The following GK variants were observed in gnomAD, a reference collection of about 807,000 sequenced individuals.
The protein encoded by GK is ATP:glycerol 3-phosphotransferase.
GK carries 9 observed loss-of-function variants against 56.4 expected under a neutral mutation model. The ratio of observed to expected loss-of-function variants is 0.16; its 90% CI spans 0.10 to 0.28. The LOEUF (loss-of-function observed/expected upper bound fraction) is 0.28. Among genes scored for constraint, GK ranks in the 10% least tolerant of loss-of-function variants. GK has a pLI of 1.00. For missense variants in GK, 161 were observed against 431.4 expected (o/e 0.37, Z 5.55); for synonymous variants, 104 against 144.1 (o/e 0.72, Z 1.99).
chrX:30,688,246 C>G (rs750519710), intron 4 of GK, among the ~76,000 whole-genome samples: 9 of 111,474 alleles, frequency 8.1e-5, no homozygotes, highest in Non-Finnish European at 1.7e-4. Context: ...TGCAAACTTT[C>G]AAGTGAGGAA....
At chrX:30,725,173 G>A (rs186667541) in intron 19 of GK, among the ~76,000 whole-genome samples, 37 of 111,531 alleles carry the variant, frequency 3.3e-4, no homozygotes, top group African/African-American at 1.0e-3. Flanking sequence ...GTGAGCCACT[G>A]CACCTGGCTT....
rs1934701193 is a variant in GK at position 30,687,727 on chromosome X, A to G, written c.338-3396A>G. 3 of 299,347 alleles carry G rather than the reference A, an allele frequency of 1.0e-5. No homozygotes were observed. In the Admixed American group the frequency reaches 1.0e-4, roughly 10 times the overall value. 24.7% of individuals were successfully genotyped at this position (299,347 alleles called of 1,213,427 possible). ...TCTGTCATTCCTTTTGATTGTTCTC[A>G]GAGATTACCTACACAAGGGGCTTAG... On this transcript the variant is annotated intron_variant, in intron 4 of 20. Transcript: ENST00000427190.
intron 1 of GK, among the ~76,000 whole-genome samples, chrX:30,661,003 G>A (rs993457420): frequency 3.7e-5 from 4 of 108,949 alleles, no homozygotes; most frequent in African/African-American, 1.3e-4. Context: ...TAGTAGGGAC[G>A]GGGTTTCACT....
At chrX:30,664,960 C>T (rs1284323630) in intron 1 of GK, among the ~76,000 whole-genome samples, 1 of 110,710 alleles carries the variant, frequency 9.0e-6, no homozygotes, top group African/African-American at 3.3e-5. Flanking sequence ...CTGCCTTGGC[C>T]TCCCAAAGTG....
chrX:30,701,678 C>T (rs907580991), intron 11 of GK, among the ~76,000 whole-genome samples: 30 of 112,226 alleles, frequency 2.7e-4, no homozygotes, highest in African/African-American at 9.4e-4. Flanking sequence ...TTTCGCCTTT[C>T]CTGGCATTGT....
At chrX:30,720,526 G>T (rs1023968822) in intron 16 of GK, 95 bp from the exon 17 acceptor site, 9 of 800,685 alleles carry the variant, frequency 1.1e-5, no homozygotes, top group Non-Finnish European at 1.7e-5. Flanking sequence ...ATAGGCTCTT[G>T]GAAGCTCTTG....
intron 4 of GK, among the ~76,000 whole-genome samples, chrX:30,685,200 C>G (rs2034545937): frequency 9.1e-6 from 1 of 109,746 alleles, no homozygotes; most frequent in African/African-American, 3.3e-5. Context: ...GGCGCGATCT[C>G]GGCTCACCGC....
intron 2 of GK, among the ~76,000 whole-genome samples, chrX:30,667,070 C>T (rs924571699): frequency 9.0e-6 from 1 of 110,942 alleles, no homozygotes; most frequent in Non-Finnish European, 1.9e-5. Flanking sequence ...AGGAGAATGG[C>T]GTGAACCCGA....
At chrX:30,661,048 G>C (rs751947789) in intron 1 of GK, among the ~76,000 whole-genome samples, 1 of 109,858 alleles carries the variant, frequency 9.1e-6, no homozygotes, top group East Asian at 2.9e-4. Context: ...TCTTGACCTC[G>C]TGATCCGCCC....
At chrX:30,700,522 C>T in intron 10 of GK, 73 bp downstream of exon 10, 1 of 849,308 alleles carries the variant, frequency 1.2e-6, no homozygotes, top group Non-Finnish European at 1.7e-6. Flanking sequence ...CTTAGTTCAT[C>T]AGTGTGCCTC....
At chrX:30,684,152 G>T (rs765582839) in intron 4 of GK, among the ~76,000 whole-genome samples, 4 of 112,173 alleles carry the variant, frequency 3.6e-5, no homozygotes, top group African/African-American at 1.3e-4. Flanking sequence ...GCGGGAGAAG[G>T]CTTGAATCAG....
rs775316732 is a variant in GK, at chrX:30,660,623, A to C, written c.79-4888A>C. 6.4e-5 allele frequency among the ~76,000 whole-genome samples: 7 copies of C among 110,179 alleles called. No individual in the cohort carries two copies. The South Asian group carries it at 2.7e-3, about 42-fold the overall frequency. ...TTTATTATCCTTTTACAAATGAAAA[A>C]CATAGAGGCTCAGAAAAAAGTGTCA... On this transcript the variant is annotated intron_variant, in intron 1 of 20. Transcript: ENST00000427190.
chrX:30,675,444 A>C (rs1043878031), intron 3 of GK, among the ~76,000 whole-genome samples: 2 of 105,097 alleles, frequency 1.9e-5, no homozygotes, highest in African/African-American at 7.0e-5. Context: ...GGATCCACCC[A>C]CCTCGGCCTC....
chrX:30,671,032 G>A (rs2147150670), intron 3 of GK, among the ~76,000 whole-genome samples: 1 of 107,977 alleles, frequency 9.3e-6, no homozygotes, highest in South Asian at 4.2e-4. Context: ...GCTCACGCGT[G>A]TAATCCCAGC....
At chrX:30,700,926 T>TA in intron 11 of GK, 21 bp downstream of exon 11, 1 of 1,036,787 alleles carries the variant, frequency 9.6e-7, no homozygotes, top group East Asian at 3.0e-5. Flanking sequence ...GAAACAGACT[T>TA]AAAAACCAAT....
At chrX:30,718,751 C>G in intron 14 of GK, 135 bp downstream of exon 14, 1 of 482,247 alleles carries the variant, frequency 2.1e-6, no homozygotes, top group Non-Finnish European at 3.7e-6. Flanking sequence ...ATGAGTTTGA[C>G]TTATGCAAAA....
chrX:30,725,206 G>C (rs1333465964), intron 19 of GK, among the ~76,000 whole-genome samples: 6 of 111,664 alleles, frequency 5.4e-5, no homozygotes, highest in Admixed American at 3.8e-4. Flanking sequence ...TAATGGGGAA[G>C]AGTTGACAAA....
intron 13 of GK, among the ~76,000 whole-genome samples, chrX:30,711,125 TTC>T (rs1276108549): frequency 6.3e-5 from 3 of 47,482 alleles, no homozygotes; most frequent in Non-Finnish European, 1.2e-4. Context: ...TTTTTTCTTC[TTC>T]TTTTTTTTTT....
chrX:30,710,960 C>G (rs1385061817), intron 13 of GK, among the ~76,000 whole-genome samples: 1 of 111,164 alleles, frequency 9.0e-6, no homozygotes, highest in African/African-American at 3.3e-5. Flanking sequence ...TTGTTTAAAG[C>G]TTTCATTTCC....
Sources: gnomAD v4.1 joint callset for allele counts (sites outside exome capture counted in the v4.1 genomes callset) on GRCh38, gnomAD v4.1.1 for gene constraint, MANE v1.5 for transcripts, NCBI Gene and HGNC (gene_info 2026-07-23, HGNC 2026-07-21) for gene names.